ADGRD2: variants seen among roughly 807,000 people sequenced by gnomAD.
ADGRD2 encodes adhesion G protein-coupled receptor D2.
Under a neutral mutation model 44.4 loss-of-function variants are expected in ADGRD2, and 71 were observed. The ratio of observed to expected loss-of-function variants is 1.60; its 90% CI spans 1.32 to 1.95. The LOEUF (loss-of-function observed/expected upper bound fraction) is 1.95. Among genes scored for constraint, ADGRD2 ranks in the 30% most tolerant of loss-of-function variants. ADGRD2 has a pLI of 0.00. For missense variants in ADGRD2, 1,039 were observed against 512.4 expected, an observed-to-expected ratio of 2.03 and a Z score of -9.92; for synonymous variants, 481 against 224.8, an observed-to-expected ratio of 2.14 and a Z score of -10.19.
At chr9:124,455,047 C>A (rs1048293718) in exon 6 of ADGRD2, 4 of 718,050 alleles carry the variant, frequency 5.6e-6, no homozygotes, top group Non-Finnish European at 1.0e-5. Context: ...CCCCTGGGAG[C>A]AGCTGAGCCA....
In ADGRD2 at chr9:124,458,242, T is replaced by G; in HGVS notation, c.1764+6T>G. The G allele has an allele frequency of 1.4e-6, 1 of 717,942 alleles. No individual in the cohort carries two copies. Among genetic ancestry groups the G allele is most frequent in the Non-Finnish European group, 2.6e-6 (1 of 384,968 alleles). The allele number at this position is 717,942 out of a possible 1,614,324, so 44.5% of individuals were successfully genotyped here. A position where few individuals can be genotyped will look rare whatever the true frequency, so the allele number is the denominator to read the frequency against. On this transcript the variant is annotated splice_donor_region_variant and intron_variant, in intron 9 of 21. Transcript: ENST00000334810. The stretch of plus-strand genomic sequence containing the variant: ...GAGGCAAACAGGGTGCAGAGGTGAG[T>G]AGGCGCCACCTGGAGGGCTGTGAGG...
chr9:124,476,535 G>C, intron 20 of ADGRD2, 120 bp downstream of exon 23: 1 of 637,356 alleles, frequency 1.6e-6, no homozygotes, highest in Non-Finnish European at 2.8e-6. Context: ...CCGGGGATCT[G>C]TTTCTCTGTT....
chr9:124,468,380 G>A (rs752166182), intron 13 of ADGRD2, 139 bp from the exon 17 acceptor site: 38 of 682,426 alleles, frequency 5.6e-5, no homozygotes, highest in African/African-American at 1.2e-4. Flanking sequence ...ATGGTGGAGC[G>A]GGGCCCAGGC....
At chr9:124,459,252 G>A (rs910557665) in intron 10 of ADGRD2, among the ~76,000 whole-genome samples, 1 of 152,200 alleles carries the variant, frequency 6.6e-6, no homozygotes, top group African/African-American at 2.4e-5. Context: ...AGCACTTTGG[G>A]AGGCCGAGGC....
chr9:124,472,360 C>A (rs1316806704), intron 17 of ADGRD2, among the ~76,000 whole-genome samples: 1 of 152,200 alleles, frequency 6.6e-6, no homozygotes, highest in African/African-American at 2.4e-5. Flanking sequence ...CTGGCACTGA[C>A]CCCACCTGGC....
rs769458357 is a variant in ADGRD2, at chr9:124,458,252, C to T, written c.1764+16C>T. 5 of 718,148 alleles carry T rather than the reference C, an allele frequency of 7.0e-6. No individual in the cohort carries two copies. Among genetic ancestry groups the T allele is most frequent in the Non-Finnish European group, 1.3e-5 (5 of 384,992 alleles). The allele number at this position is 718,148 out of a possible 1,614,324, so 44.5% of individuals were successfully genotyped here. A position where few individuals can be genotyped will look rare whatever the true frequency, so the allele number is the denominator to read the frequency against. ...GGGTGCAGAGGTGAGTAGGCGCCAC[C>T]TGGAGGGCTGTGAGGGCCTGTGTCC... On this transcript the variant is annotated intron_variant, in intron 9 of 21. Coordinates refer to ENST00000334810, the Ensembl canonical transcript of ADGRD2.
At chr9:124,468,838 T>C (rs1831884127) in intron 14 of ADGRD2, among the ~76,000 whole-genome samples, 166 bp downstream of exon 17, 1 of 152,140 alleles carries the variant, frequency 6.6e-6, no homozygotes, top group African/African-American at 2.4e-5. Flanking sequence ...GTCCCATCTC[T>C]GACATGACCT....
At chr9:124,470,859 A>T (rs887872488) in intron 17 of ADGRD2, among the ~76,000 whole-genome samples, 2 of 152,258 alleles carry the variant, frequency 1.3e-5, no homozygotes, top group Non-Finnish European at 2.9e-5. Context: ...GCTGAGACCC[A>T]GAAAGAGGGT....
intron 6 of ADGRD2, among the ~76,000 whole-genome samples, chr9:124,455,706 G>C (rs1831603133): frequency 6.6e-6 from 1 of 152,190 alleles, no homozygotes; most frequent in African/African-American, 2.4e-5. Flanking sequence ...CACCTTAAGT[G>C]GGGGATCTAT....
chr9:124,467,480 T>C (rs1350447464), intron 11 of ADGRD2: 3 of 521,968 alleles, frequency 5.7e-6, no homozygotes, highest in Non-Finnish European at 1.0e-5. Flanking sequence ...CTCTTAGTAA[T>C]TGTCCAGTTG....
chr9:124,454,875 G>A lies in ADGRD2; in HGVS notation c.1143G>A (p.Gly381=), dbSNP rs1321791092. 1.4e-6 allele frequency: 1 copy of A among 709,912 alleles called. No individual in the cohort carries two copies. Among genetic ancestry groups the A allele is most frequent in the African/African-American group, 1.7e-5 (1 of 57,364 alleles). 44.0% of individuals were successfully genotyped at this position (709,912 alleles called of 1,614,324 possible). Residue 381 remains glycine, a synonymous_variant, in exon 6 of 22, where the codon GGG becomes GGA. Coordinates refer to ENST00000334810, the Ensembl canonical transcript of ADGRD2. The surrounding 1 kb of genome is among the most constrained non-coding windows in gnomAD (Gnocchi z 4.5). ...CGGACCCCCTCTCCGAAGTCCATGG[G>A]GCCCTGTCCCCAGCGGAGGCCTCCA...
chr9:124,470,606 T>C, exon 17 of ADGRD2: 1 of 706,058 alleles, frequency 1.4e-6, no homozygotes. Flanking sequence ...GGGCCTCAAC[T>C]CCATCCAGGT....
At chr9:124,459,338 A>G (rs1422667230) in intron 10 of ADGRD2, among the ~76,000 whole-genome samples, 1 of 152,052 alleles carries the variant, frequency 6.6e-6, no homozygotes, top group Admixed American at 6.6e-5. Flanking sequence ...CTAAAAATAC[A>G]CAAAAGTTAG....
At chr9:124,456,703 C>A (rs1831624350) in exon 7 of ADGRD2, 1 of 712,530 alleles carries the variant, frequency 1.4e-6, no homozygotes, top group East Asian at 2.7e-5. Flanking sequence ...CTCAGAGCGG[C>A]CCCGAATGCG....
At chr9:124,451,736 G>T, upstream of ADGRD2, 1 of 278,700 alleles carries the variant, frequency 3.6e-6, no homozygotes, top group South Asian at 3.9e-5. Flanking sequence ...GTGCCTGGGA[G>T]GAAGTCAAGG....
exon 22 of ADGRD2, chr9:124,478,511 T>G (rs1832089682): frequency 6.5e-6 from 1 of 152,740 alleles, no homozygotes; most frequent in Non-Finnish European, 1.5e-5. Context: ...ATCTGTGATC[T>G]GCTCCTTCCC....
chr9:124,475,504 C>T lies in ADGRD2; in HGVS notation c.2800+17C>T, dbSNP rs984214986. On this transcript the variant is annotated intron_variant, in intron 18 of 21. Coordinates refer to ENST00000334810, the Ensembl canonical transcript of ADGRD2. ...AATGAGGAGGTGAGTCTGGGGGTGC[C>T]GGCTGCAGGGAGAGGGGTCCAAGGG... The T allele has an allele frequency of 1.8e-5, 13 of 714,414 alleles. No homozygotes were observed. Among genetic ancestry groups the T allele is most frequent in the African/African-American group, 1.2e-4 (7 of 57,094 alleles). 44.3% of individuals were successfully genotyped at this position (714,414 alleles called of 1,614,324 possible). A position where few individuals can be genotyped will look rare whatever the true frequency, so the allele number is the denominator to read the frequency against.
intron 17 of ADGRD2, among the ~76,000 whole-genome samples, chr9:124,472,754 C>T (rs1192764768): frequency 6.6e-6 from 1 of 152,184 alleles, no homozygotes; most frequent in African/African-American, 2.4e-5. Context: ...GTGATCCTCC[C>T]GCCTCGGCCT....
chr9:124,476,077 C>A (rs1832044771), intron 19 of ADGRD2, among the ~76,000 whole-genome samples: 1 of 152,132 alleles, frequency 6.6e-6, no homozygotes, highest in Non-Finnish European at 1.5e-5. Context: ...GTTTGGGGGA[C>A]TCCTGCAGAT....
Sources: gnomAD v4.1 joint callset for allele counts (sites outside exome capture counted in the v4.1 genomes callset) on GRCh38, gnomAD v4.1.1 for gene constraint, Gnocchi (gnomAD v3.1) non-coding constraint, MANE v1.5 for transcripts, NCBI Gene and HGNC (gene_info 2026-07-23, HGNC 2026-07-21) for gene names.